Variants in COL4A3 observed in about 807,000 individuals in gnomAD.
COL4A3 encodes collagen alpha-3(IV) chain.
COL4A3 carries 135 observed loss-of-function variants against 217.4 expected under a neutral mutation model. The ratio of observed to expected loss-of-function variants is 0.62; its 90% confidence interval spans 0.54 to 0.72. The LOEUF (loss-of-function observed/expected upper bound fraction) is 0.72, where lower values mean the gene tolerates loss of function less well. Ranked by LOEUF, COL4A3 falls within the 30% of genes least tolerant of loss-of-function variation. The pLI, the probability that COL4A3 is intolerant of heterozygous loss-of-function variation, is 0.00. For synonymous variants in COL4A3, 690 were observed against 736.3 expected, an observed-to-expected ratio of 0.94 and a Z score of 1.02; for missense variants, 1,868 against 2,119.9, an observed-to-expected ratio of 0.88 and a Z score of 2.33.
chr2:227,312,043 T>G lies in COL4A3; in HGVS notation c.*173T>G, dbSNP rs999931939. 1 of 1,208,032 alleles carries G rather than the reference T, an allele frequency of 8.3e-7. No homozygotes were observed. The highest frequency in any genetic ancestry group is 2.2e-5 in the Admixed American group (1 of 45,644). 74.8% of individuals were successfully genotyped at this position (1,208,032 alleles called of 1,614,324 possible). On this transcript the variant is annotated 3_prime_UTR_variant, in exon 52 of 52. Transcript: ENST00000396578. ...CAAAGCAATTCTTTCAAGTCAGTTC[T>G]GTGATCTGGGTCTCTAATCTGTGCT...
intron 1 of COL4A3, among the ~76,000 whole-genome samples, chr2:227,225,711 T>TTC: frequency 2.4e-5 from 1 of 40,886 alleles, no homozygotes; most frequent in South Asian, 7.0e-4. Flanking sequence ...TTTTCTTTCT[T>TTC]TTTTTTTTTT....
intron 1 of COL4A3, among the ~76,000 whole-genome samples, chr2:227,231,850 T>TACAC (rs58253720): frequency 0.32 from 48,633 of 151,914 alleles, 8,208 homozygotes; most frequent in Non-Finnish European, 0.36. Context: ...TATTTTAAAA[T>TACAC]AATTAAGTTA....
intron 50 of COL4A3, among the ~76,000 whole-genome samples, 180 bp from the exon 51 acceptor site, chr2:227,310,596 A>C (rs567848142): frequency 6.6e-6 from 1 of 152,336 alleles, no homozygotes; most frequent in East Asian, 1.9e-4. Flanking sequence ...CTGGGATTAC[A>C]GGTGTGAGTC....
chr2:227,182,203 T>C (rs892651501), intron 1 of COL4A3, among the ~76,000 whole-genome samples: 1 of 152,208 alleles, frequency 6.6e-6, no homozygotes, highest in Non-Finnish European at 1.5e-5. Flanking sequence ...TTATTTTCCT[T>C]GTTTATTGGC....
At chr2:227,256,944 A>G (rs940921013) in intron 17 of COL4A3, among the ~76,000 whole-genome samples, 5 of 152,270 alleles carry the variant, frequency 3.3e-5, no homozygotes, top group Admixed American at 2.0e-4. Flanking sequence ...CCTAGATGGC[A>G]GAGACTGTTG....
intron 23 of COL4A3, 135 bp from the exon 24 acceptor site, chr2:227,269,775 C>A: frequency 1.4e-6 from 1 of 718,522 alleles, no homozygotes; most frequent in Non-Finnish European, 2.5e-6. Context: ...TCTCTTATTG[C>A]ATTTATGTTT....
chr2:227,276,516 C>A, intron 27 of COL4A3, 39 bp downstream of exon 27: 2 of 1,372,198 alleles, frequency 1.5e-6, no homozygotes, highest in Non-Finnish European at 2.1e-6. Flanking sequence ...TGGCATCAGA[C>A]ACACACAACA....
chr2:227,173,070 T>C (rs1013762726), intron 1 of COL4A3, among the ~76,000 whole-genome samples: 3 of 152,172 alleles, frequency 2.0e-5, no homozygotes, highest in Non-Finnish European at 4.4e-5. Context: ...GGTCTCAAGA[T>C]GTATTACAAA....
intron 34 of COL4A3, among the ~76,000 whole-genome samples, chr2:227,287,366 G>C (rs1296714166): frequency 6.6e-6 from 1 of 152,090 alleles, no homozygotes; most frequent in African/African-American, 2.4e-5. Context: ...GGAAGGCGGA[G>C]GTTGCAGTGA....
Position 227,187,314 on chromosome 2 carries a change from G to A in COL4A3, c.87+22501G>A, listed in dbSNP as rs535116542. Reference sequence around the variant, plus strand: ...AGGATGAGGGTGAGGATGGGGAGACGCTGATAATCACACAGTTGTGACTAA... The same window carrying A: ...AGGATGAGGGTGAGGATGGGGAGACACTGATAATCACACAGTTGTGACTAA... On this transcript the variant is annotated intron_variant, in intron 1 of 51. Coordinates refer to ENST00000396578, the MANE Select transcript of COL4A3 (RefSeq NM_000091.5). Among the ~76,000 whole-genome samples the A allele has an allele frequency of 1.3e-3, 197 of 152,280 alleles. 1 individual carries two copies. Among genetic ancestry groups the A allele is most frequent in the African/African-American group, 4.4e-3 (181 of 41,568 alleles).
intron 1 of COL4A3, among the ~76,000 whole-genome samples, chr2:227,218,683 A>G (rs901634923): frequency 6.6e-6 from 1 of 152,212 alleles, no homozygotes; most frequent in Admixed American, 6.5e-5. Context: ...CAAGAAAAAC[A>G]TATTTTTAAT....
At chr2:227,195,953 TA>T (rs1168705322) in intron 1 of COL4A3, among the ~76,000 whole-genome samples, 1 of 151,818 alleles carries the variant, frequency 6.6e-6, no homozygotes, top group Non-Finnish European at 1.5e-5. Context: ...ATAAACAATT[TA>T]AAAATAGAAA....
chr2:227,244,292 T>A, intron 3 of COL4A3, 28 bp from the exon 4 acceptor site: 1 of 1,611,196 alleles, frequency 6.2e-7, no homozygotes, highest in Admixed American at 1.7e-5. Context: ...TCAGAGTGTT[T>A]ACTTTTTCTT....
At chr2:227,269,405 G>A (rs1432411148) in intron 23 of COL4A3, among the ~76,000 whole-genome samples, 1 of 152,178 alleles carries the variant, frequency 6.6e-6, no homozygotes, top group African/African-American at 2.4e-5. Flanking sequence ...ATGATGGCTC[G>A]CCAACACAAT....
chr2:227,172,471 G>C (rs890504050), intron 1 of COL4A3, among the ~76,000 whole-genome samples: 4 of 152,000 alleles, frequency 2.6e-5, no homozygotes, highest in African/African-American at 4.8e-5. Flanking sequence ...GAAAGACAGA[G>C]AGAGAGCTAC....
At chr2:227,247,657 G>C (rs1410486352) in intron 8 of COL4A3, 73 bp downstream of exon 8, 6 of 1,379,702 alleles carry the variant, frequency 4.3e-6, no homozygotes, top group Non-Finnish European at 6.2e-6. Flanking sequence ...ATTAAATAAT[G>C]AGACTTAAGT....
intron 1 of COL4A3, among the ~76,000 whole-genome samples, chr2:227,174,392 G>A (rs749930643): frequency 6.6e-6 from 1 of 152,112 alleles, no homozygotes; most frequent in Admixed American, 6.5e-5. Flanking sequence ...TTCCAAAAAG[G>A]TCTCTCTTTT....
chr2:227,246,240 G>C (rs2069331910), intron 6 of COL4A3: 5 of 584,280 alleles, frequency 8.6e-6, no homozygotes, highest in Non-Finnish European at 1.5e-5. Context: ...AAAACTTGGA[G>C]CTCAACTGGT....
At chr2:227,274,523 G>C (rs1159719856) in intron 26 of COL4A3, among the ~76,000 whole-genome samples, 4 of 150,894 alleles carry the variant, frequency 2.7e-5, no homozygotes, top group African/African-American at 4.9e-5. Flanking sequence ...GTCTGAGATG[G>C]AATCTTGCTC....
Sources: allele counts gnomAD v4.1 joint callset (sites outside exome capture counted in the v4.1 genomes callset), GRCh38; gene constraint gnomAD v4.1.1; transcripts MANE v1.5; gene names NCBI Gene and HGNC (gene_info 2026-07-23, HGNC 2026-07-21).